DSCAM: variants seen among roughly 807,000 people sequenced by gnomAD.
The protein encoded by DSCAM is cell adhesion molecule DSCAM.
Under a neutral mutation model 217.7 loss-of-function variants are expected in DSCAM, and 47 were observed. The ratio of observed to expected loss-of-function variants is 0.22; its 90% CI spans 0.17 to 0.28. The LOEUF is 0.28. Among genes scored for constraint, DSCAM ranks in the 10% least tolerant of loss-of-function variants. The pLI, the probability that DSCAM is intolerant of heterozygous loss-of-function variation, is 1.00. For missense variants in DSCAM, 2,080 were observed against 2,618.3 expected (o/e 0.79, Z 4.49); for synonymous variants, 1,056 against 1,015.3 (o/e 1.04, Z -0.76).
At chr21:40,126,667 TC>T (rs2090097329) in intron 19 of DSCAM, among the ~76,000 whole-genome samples, 1 of 152,204 alleles carries the variant, frequency 6.6e-6, no homozygotes, top group African/African-American at 2.4e-5. Context: ...TTCAGGTACT[TC>T]CTGGCCACTG....
chr21:40,133,848 T>C lies in DSCAM; in HGVS notation c.3562+6A>G. On this transcript the variant is annotated splice_donor_region_variant and intron_variant, in intron 19 of 32. Transcript: ENST00000400454. Reference sequence around the variant, plus strand: ...TGCTGGGACCCACCGCCCACCCGTCTCTCACCATCCTCTTTGGTCCGGGTG... The same window carrying C: ...TGCTGGGACCCACCGCCCACCCGTCCCTCACCATCCTCTTTGGTCCGGGTG... 1.3e-6 allele frequency: 2 copies of C among 1,597,786 alleles called. No individual in the cohort carries two copies. The highest frequency in any genetic ancestry group is 8.5e-7 in the Non-Finnish European group (1 of 1,171,868).
intron 4 of DSCAM, among the ~76,000 whole-genome samples, chr21:40,357,762 AAT>A (rs1441996368): frequency 6.6e-6 from 1 of 152,138 alleles, no homozygotes; most frequent in Non-Finnish European, 1.5e-5. Context: ...CCTAATGTTA[AAT>A]AACGAGTTAA....
intron 11 of DSCAM, among the ~76,000 whole-genome samples, chr21:40,271,822 T>C (rs942177725): frequency 8.5e-5 from 13 of 152,204 alleles, no homozygotes; most frequent in African/African-American, 3.1e-4. Context: ...AATGTATAAC[T>C]GAACGTTCCC....
chr21:40,386,335 A>C (rs2075084423), intron 3 of DSCAM, among the ~76,000 whole-genome samples: 1 of 152,220 alleles, frequency 6.6e-6, no homozygotes, highest in Admixed American at 6.5e-5. Context: ...CAGATTCCGA[A>C]GCTTTAGTTG....
At chr21:40,604,689 G>A (rs546782270) in intron 3 of DSCAM, among the ~76,000 whole-genome samples, 1 of 152,230 alleles carries the variant, frequency 6.6e-6, no homozygotes, top group East Asian at 1.9e-4. Flanking sequence ...AATAGAGGCT[G>A]CATCTTGCAG....
At chr21:40,187,843 C>T (rs1352784662) in intron 13 of DSCAM, 48 bp downstream of exon 13, 2 of 1,499,138 alleles carry the variant, frequency 1.3e-6, no homozygotes, top group Non-Finnish European at 1.9e-6. Flanking sequence ...CATACAGCTC[C>T]CATCCTGAAA....
chr21:40,300,976 T>C (rs2123460692), intron 9 of DSCAM, among the ~76,000 whole-genome samples: 1 of 152,280 alleles, frequency 6.6e-6, no homozygotes, highest in Non-Finnish European at 1.5e-5. Flanking sequence ...AGCAACCAGC[T>C]CATTAAAGCA....
At chr21:40,730,482 C>T (rs780513881) in intron 1 of DSCAM, among the ~76,000 whole-genome samples, 35 of 152,118 alleles carry the variant, frequency 2.3e-4, no homozygotes, top group Non-Finnish European at 3.5e-4. Flanking sequence ...GTGTGAAGAC[C>T]GTGCCAGTCA....
At chr21:40,413,592 A>C (rs1319104599) in intron 3 of DSCAM, among the ~76,000 whole-genome samples, 1 of 152,236 alleles carries the variant, frequency 6.6e-6, no homozygotes, top group Non-Finnish European at 1.5e-5. Flanking sequence ...TCATCCCAGC[A>C]GGATATTGAC....
At chr21:40,555,113 A>C (rs1348931277) in intron 3 of DSCAM, among the ~76,000 whole-genome samples, 2 of 152,358 alleles carry the variant, frequency 1.3e-5, no homozygotes, top group Non-Finnish European at 2.9e-5. Flanking sequence ...TGAATATTTT[A>C]AATTCAATAT....
intron 1 of DSCAM, among the ~76,000 whole-genome samples, chr21:40,760,275 C>T (rs1221158744): frequency 6.6e-6 from 1 of 152,164 alleles, no homozygotes; most frequent in Non-Finnish European, 1.5e-5. Flanking sequence ...CATGGCCTCC[C>T]AAAGTGCTGG....
In DSCAM at chr21:40,085,613, A is replaced by G; in HGVS notation, c.4121T>C (p.Leu1374Ser). ...NWGSDEIILN[L>S]QVQVPPDQPR... ...CTCAAATGTTGTACCTTGTACTTGTAAGTTTAAAATAATTTCATCAGATCC... is the reference window on the plus strand; with the variant it reads ...CTCAAATGTTGTACCTTGTACTTGTGAGTTTAAAATAATTTCATCAGATCC... Residue 1374 changes from leucine to serine, a missense_variant, in exon 23 of 33, where the codon TTA becomes TCA. By Grantham distance (145) the Leu-to-Ser change is moderately radical. Coordinates refer to ENST00000400454, the MANE Select transcript of DSCAM (RefSeq NM_001389.5). 1.3e-6 allele frequency: 2 copies of G among 1,566,034 alleles called. No individual in the cohort carries two copies. The highest frequency in any genetic ancestry group is 1.3e-5 in the African/African-American group (1 of 74,344).
chr21:40,236,690 T>C (rs77657469), intron 11 of DSCAM, among the ~76,000 whole-genome samples: 7 of 152,236 alleles, frequency 4.6e-5, no homozygotes, highest in Admixed American at 3.3e-4. Context: ...AGGTTAATAA[T>C]AGTACTGAAA....
Position 40,016,473 on chromosome 21 carries a change from T to C in DSCAM, c.5687-3087A>G, listed in dbSNP as rs1452040237. ...AGACAAGATATCTAGTAGGTATTTT[T>C]ATCATAGAAACGTAGCTCTAGGATG... is the stretch of plus-strand genomic sequence containing the variant. On this transcript the variant is annotated intron_variant, in intron 32 of 32. Transcript: ENST00000400454. This position sits in a 1 kb window ranked among gnomAD's most constrained non-coding sequence, Gnocchi z 4.3. Among the ~76,000 whole-genome samples the C allele has an allele frequency of 1.3e-5, 2 of 152,254 alleles. No homozygotes were observed. Among genetic ancestry groups the C allele is most frequent in the Non-Finnish European group, 2.9e-5 (2 of 68,038 alleles).
intron 3 of DSCAM, among the ~76,000 whole-genome samples, chr21:40,521,684 T>C (rs1006143561): frequency 1.1e-4 from 16 of 152,036 alleles, no homozygotes; most frequent in African/African-American, 3.9e-4. Flanking sequence ...CTTATAAAAA[T>C]AGTGAATAGA....
intron 32 of DSCAM, among the ~76,000 whole-genome samples, chr21:40,017,950 T>C (rs1030117313): frequency 6.6e-6 from 1 of 152,250 alleles, no homozygotes; most frequent in Non-Finnish European, 1.5e-5. Flanking sequence ...AAAAATATAA[T>C]GGCATGAGGC....
Position 40,084,019 on chromosome 21 carries a change from C to A in DSCAM, c.4133-13G>T, listed in dbSNP as rs921445142. 1.3e-6 allele frequency: 2 copies of A among 1,599,386 alleles called. No individual in the cohort carries two copies. The highest frequency in any genetic ancestry group is 2.7e-5 in the African/African-American group (2 of 74,298). On this transcript the variant is annotated splice_polypyrimidine_tract_variant and intron_variant, in intron 23 of 32. Coordinates refer to ENST00000400454, the MANE Select transcript of DSCAM (RefSeq NM_001389.5). ...TGATCTGGTGGAACTGGAGAGGAAACAGTTTTTAGAAAACAAGAATTAGTT... is the reference window on the plus strand; with the variant it reads ...TGATCTGGTGGAACTGGAGAGGAAAAAGTTTTTAGAAAACAAGAATTAGTT...
intron 3 of DSCAM, among the ~76,000 whole-genome samples, chr21:40,588,862 C>T (rs1386225708): frequency 6.6e-6 from 1 of 152,072 alleles, no homozygotes; most frequent in East Asian, 1.9e-4. Context: ...AAACTTTATT[C>T]TCATTGAAAA....
intron 20 of DSCAM, among the ~76,000 whole-genome samples, chr21:40,109,875 C>T (rs942983703): frequency 6.6e-5 from 10 of 152,012 alleles, no homozygotes; most frequent in Admixed American, 6.6e-5. Context: ...GGGGGAGGGG[C>T]GCCCACCATT....
Sources: allele counts gnomAD v4.1 joint callset (sites outside exome capture counted in the v4.1 genomes callset), GRCh38; gene constraint gnomAD v4.1.1; non-coding constraint Gnocchi (gnomAD v3.1); transcripts MANE v1.5; gene names NCBI Gene and HGNC (gene_info 2026-07-23, HGNC 2026-07-21).